FCSK: variants seen among roughly 807,000 people sequenced by gnomAD.
FCSK encodes fucose kinase.
FCSK carries 123 observed loss-of-function variants against 122.5 expected under a neutral mutation model. The ratio of observed to expected loss-of-function variants is 1.00; its 90% CI spans 0.87 to 1.17. The LOEUF (loss-of-function observed/expected upper bound fraction) is 1.17, where lower values mean the gene tolerates loss of function less well. Among genes scored for constraint, FCSK ranks in the 50% most tolerant of loss-of-function variants. The pLI, the probability that FCSK is intolerant of heterozygous loss-of-function variation, is 0.00. For synonymous variants in FCSK, 620 were observed against 625.5 expected (o/e 0.99, Z 0.13); for missense variants, 1,366 against 1,450.4 (o/e 0.94, Z 0.95).
In FCSK at chr16:70,474,120, G is replaced by GT; in HGVS notation, c.1778-8dup. ...CCTCCCCTGCCACCCCCAACTCCTT[G>GT]TCCCTCAGTTGCAGCTGGGGCAGGA... On this transcript the variant is annotated splice_polypyrimidine_tract_variant and intron_variant, in intron 15 of 23. Coordinates refer to ENST00000288078, the MANE Select transcript of FCSK (RefSeq NM_145059.3). 1 of 1,548,734 alleles carries GT rather than the reference G, an allele frequency of 6.5e-7. No homozygotes were observed. The highest frequency in any genetic ancestry group is 8.7e-7 in the Non-Finnish European group (1 of 1,146,358).
At chr16:70,468,750 A>G in intron 8 of FCSK, 99 bp from the exon 9 acceptor site, 1 of 1,460,716 alleles carries the variant, frequency 6.8e-7, no homozygotes, top group African/African-American at 1.4e-5. Flanking sequence ...CTGGTATGGC[A>G]CTCAGCTTCA....
At chr16:70,467,290 C>A (rs563609257) in intron 6 of FCSK, 84 bp from the exon 7 acceptor site, 3 of 938,294 alleles carry the variant, frequency 3.2e-6, no homozygotes, top group Non-Finnish European at 4.9e-6. Context: ...GTGCCGCAGC[C>A]CTGGGCTCTT....
At chr16:70,474,386 C>T (rs1345117929) in intron 16 of FCSK, 47 bp downstream of exon 16, 2 of 1,590,182 alleles carry the variant, frequency 1.3e-6, no homozygotes, top group African/African-American at 2.7e-5. Context: ...CCCTTGCTGT[C>T]TGGGAAGTGG....
rs771550983 is a variant in FCSK, at chr16:70,469,160, G to GT, written c.798dup (p.Asp267Ter). ...TCTTCCCCTTCCCCTAGCTGTCTCT[G>GT]TTTTTTGACATTCTCCACTGCATGG... On this transcript the variant is annotated frameshift_variant, in exon 10 of 24. Transcript: ENST00000288078. LOFTEE classifies it high-confidence loss of function. 4 of 1,614,134 alleles carry GT rather than the reference G, an allele frequency of 2.5e-6. No homozygotes were observed. Among genetic ancestry groups the GT allele is most frequent in the Non-Finnish European group, 3.4e-6 (4 of 1,180,040 alleles).
chr16:70,462,479 C>T (rs1250901736), intron 1 of FCSK, among the ~76,000 whole-genome samples: 3 of 152,198 alleles, frequency 2.0e-5, no homozygotes, highest in Admixed American at 6.6e-5. Flanking sequence ...GCACACGCCA[C>T]CACGCCTGCC....
intron 13 of FCSK, 118 bp from the exon 14 acceptor site, chr16:70,472,423 C>CT (rs2151721713): frequency 1.3e-6 from 1 of 746,788 alleles, no homozygotes; most frequent in South Asian, 1.9e-5. Context: ...CAAGTATGTT[C>CT]TTTGTCTGTC....
chr16:70,469,353 G>T, intron 10 of FCSK, 30 bp downstream of exon 10: 1 of 1,554,502 alleles, frequency 6.4e-7, no homozygotes, highest in South Asian at 1.2e-5. Flanking sequence ...TCCCTGGGGT[G>T]GGGAGACCAT....
chr16:70,471,184 C>T lies in FCSK; in HGVS notation c.1173C>T (p.Gly391=). ...GSVLQHCHLQ[G]PIHIGAGCLV... ...ATGCCTGCCCTGTCCCCCACCAGGG[C>T]CCCATTCACATAGGCGCTGGCTGCT... The change falls in exon 13 of 24, where the codon GGC becomes GGT. Residue 391 remains glycine, a splice_region_variant and synonymous_variant. Transcript: ENST00000288078. 1.9e-6 allele frequency: 3 copies of T among 1,602,070 alleles called. No homozygotes were observed. The highest frequency in any genetic ancestry group is 1.7e-6 in the Non-Finnish European group (2 of 1,172,960).
chr16:70,470,527 G>A (rs904963301), intron 11 of FCSK, 101 bp downstream of exon 11: 7 of 733,064 alleles, frequency 9.5e-6, no homozygotes, highest in African/African-American at 8.7e-5. Context: ...CAGATGACCC[G>A]AGTGCAGGTG....
intron 1 of FCSK, among the ~76,000 whole-genome samples, chr16:70,457,067 A>G (rs1357077001): frequency 2.0e-5 from 3 of 152,046 alleles, no homozygotes; most frequent in African/African-American, 7.2e-5. Context: ...TACAGGAAGC[A>G]GGAAGAGGTA....
chr16:70,459,223 T>TAA (rs10596122), intron 1 of FCSK, among the ~76,000 whole-genome samples: 2 of 131,880 alleles, frequency 1.5e-5, no homozygotes, highest in Non-Finnish European at 1.7e-5. Context: ...ACCCTGTCTT[T>TAA]AAAAAAAAAA....
At chr16:70,478,223 T>C in intron 20 of FCSK, 49 bp from the exon 21 acceptor site, 1 of 1,589,256 alleles carries the variant, frequency 6.3e-7, no homozygotes, top group Non-Finnish European at 8.6e-7. Context: ...GCTGGGAGAG[T>C]GAAGCTGGGC....
At position 70,466,228 on chromosome 16, in the gene FCSK, G is replaced by A; in HGVS notation, c.382G>A (p.Asp128Asn). The A allele has an allele frequency of 6.2e-7, 1 of 1,614,002 alleles. No homozygotes were observed. The highest frequency in any genetic ancestry group is 1.1e-5 in the South Asian group (1 of 91,080). ...CGTGGAAGCCTTGGTCTGCAACCTG[G>A]ACTGCCTGCTGGACATCATGACCTA... The part of the protein sequence containing the change: ...APVEALVCNL[D>N]CLLDIMTYRL... The change falls in exon 5 of 24, where the codon GAC becomes AAC. Residue 128 changes from aspartate (D) to asparagine (N), a missense_variant. By Grantham distance (23) the Asp-to-Asn change is conservative. Transcript: ENST00000288078.
rs1201708843 is a variant in FCSK at position 70,473,082 on chromosome 16, C to A, written c.1506C>A (p.Pro502=). ...TCCACCCCTCGAGGGAGCTGGGACC[C>A]CAGGACCTGCTGTGGATGCTGGACC... ...PVLHPSRELG[P]QDLLWMLDHQ... The change falls in exon 15 of 24, where the codon CCC becomes CCA. Residue 502 remains proline (P), a synonymous_variant. Transcript: ENST00000288078. This position sits in a 1 kb window ranked among gnomAD's most constrained non-coding sequence, Gnocchi z 4.9. 1.3e-6 allele frequency: 2 copies of A among 1,589,956 alleles called. No homozygotes were observed. The highest frequency in any genetic ancestry group is 2.7e-5 in the African/African-American group (2 of 74,356).
chr16:70,478,438 C>T lies in FCSK; in HGVS notation c.2808C>T (p.Arg936=), dbSNP rs1367509095. Residue 936 remains arginine, a synonymous_variant, in exon 21 of 24, where the codon CGC becomes CGT. Transcript: ENST00000288078. ...TCTTGGTGTACACTGGCAAGACCCG[C>T]CTGGCTCGGAACCTGCTGCAGGTGA... ...HLLLVYTGKT[R]LARNLLQDVL... is the part of the protein sequence containing the mutation. The T allele has an allele frequency of 6.2e-7, 1 of 1,614,114 alleles. No homozygotes were observed. The highest frequency in any genetic ancestry group is 1.1e-5 in the South Asian group (1 of 91,088).
chr16:70,460,855 G>A lies in FCSK; in HGVS notation c.-22-2314G>A, dbSNP rs375866779. Among the ~76,000 whole-genome samples the A allele has an allele frequency of 7.9e-5, 12 of 152,352 alleles. No homozygotes were observed. The South Asian group carries it at 2.3e-3, about 29-fold the overall frequency. ...AACAAGGTGGGAGATTCAGATCGTA[G>A]CAGCTGGGGGCGTCTGTTAGTTACA... On this transcript the variant is annotated intron_variant, in intron 1 of 23. Transcript: ENST00000288078.
chr16:70,473,037 C>A lies in FCSK; in HGVS notation c.1461C>A (p.Ser487Arg), dbSNP rs747773026. 6.3e-7 allele frequency: 1 copy of A among 1,590,560 alleles called. No individual in the cohort carries two copies. Among genetic ancestry groups the A allele is most frequent in the Non-Finnish European group, 8.6e-7 (1 of 1,169,256 alleles). The change falls in exon 15 of 24, where the codon AGC becomes AGA. Residue 487 changes from serine (S) to arginine (R), a missense_variant. Coordinates refer to ENST00000288078, the MANE Select transcript of FCSK (RefSeq NM_145059.3). This position sits in a 1 kb window ranked among gnomAD's most constrained non-coding sequence, Gnocchi z 4.9. Reference sequence around the variant, plus strand: ...TGCCCGCAGAGTACTGCCTTCCCAGCGCCCGCCTCTTTCCTGTGCTCCACC... The same window carrying A: ...TGCCCGCAGAGTACTGCCTTCCCAGAGCCCGCCTCTTTCCTGTGCTCCACC... The part of the protein sequence containing the change: ...ETLPAEYCLP[S>R]ARLFPVLHPS...
At chr16:70,472,626 G>C (rs373621882) in intron 14 of FCSK, 21 bp downstream of exon 14, 273 of 1,586,396 alleles carry the variant, frequency 1.7e-4, no homozygotes, top group Admixed American at 2.2e-4. Flanking sequence ...CACCCCTAGG[G>C]CCTCTGTGGG....
In FCSK at chr16:70,471,272, G is replaced by C. The variant is rs780346716; in HGVS notation, c.1261G>C (p.Val421Leu). The C allele has an allele frequency of 1.2e-6, 2 of 1,609,104 alleles. No individual in the cohort carries two copies. The highest frequency in any genetic ancestry group is 4.5e-5 in the East Asian group (2 of 44,740). The change falls in exon 13 of 24, where the codon GTC (valine) becomes CTC (leucine). Residue 421 changes from valine to leucine, a missense_variant. Physicochemically the swap from Val to Leu is conservative, Grantham distance 32. Coordinates refer to ENST00000288078, the MANE Select transcript of FCSK (RefSeq NM_145059.3). ...GCATGGCCGGGAGCTGCGTGACCTT[G>C]TCCTGCAGGGACACCACACGCGGCT... ...ALHGRELRDL[V>L]LQGHHTRLHG...
Sources: allele counts gnomAD v4.1 joint callset (sites outside exome capture counted in the v4.1 genomes callset), GRCh38; gene constraint gnomAD v4.1.1; non-coding constraint Gnocchi (gnomAD v3.1); transcripts MANE v1.5; gene names NCBI Gene and HGNC (gene_info 2026-07-23, HGNC 2026-07-21).